DRAM2: variants seen among roughly 807,000 people sequenced by gnomAD.
DRAM2 encodes the protein DNA damage regulated autophagy modulator 2, also known as DNA damage-regulated autophagy modulator protein 2.
DRAM2 carries 26 observed loss-of-function variants against 33.5 expected under a neutral mutation model. The observed-to-expected ratio is 0.78, with a 90% CI of 0.57 to 1.08. The LOEUF (loss-of-function observed/expected upper bound fraction) is 1.08, where lower values mean the gene tolerates loss of function less well. DRAM2 is among the 50% of genes least tolerant of loss of function. DRAM2 has a pLI of 0.00. For missense variants in DRAM2, 311 were observed against 318.1 expected (o/e 0.98, Z 0.17); for synonymous variants, 98 against 109.5 (o/e 0.89, Z 0.66).
chr1:111,130,631 C>T (rs1036300169), intron 4 of DRAM2, among the ~76,000 whole-genome samples: 11 of 150,328 alleles, frequency 7.3e-5, no homozygotes, highest in Admixed American at 2.7e-4. Flanking sequence ...ACCTGGGAGG[C>T]GGAAGTTGCA....
chr1:111,125,610 CTTCT>C (rs575042348), intron 5 of DRAM2: 1 of 152,224 alleles, frequency 6.6e-6, no homozygotes, highest in Admixed American at 6.5e-5. Flanking sequence ...ATGAAATGAA[CTTCT>C]TTAAGTTGAA....
chr1:111,139,077 C>CT (rs768019299), intron 2 of DRAM2: 6 of 152,188 alleles, frequency 3.9e-5, no homozygotes, highest in Admixed American at 6.5e-5. Context: ...TTTCTAAACT[C>CT]TAACTTGGCC....
At chr1:111,135,255 A>G (rs1235938399) in intron 3 of DRAM2, among the ~76,000 whole-genome samples, 3 of 152,162 alleles carry the variant, frequency 2.0e-5, no homozygotes, top group African/African-American at 4.8e-5. Flanking sequence ...TACCTCAACT[A>G]CCATGGAATG....
intron 4 of DRAM2, among the ~76,000 whole-genome samples, chr1:111,131,129 G>A (rs528742964): frequency 3.3e-5 from 5 of 151,848 alleles, no homozygotes; most frequent in South Asian, 2.1e-4. Context: ...AATTTTAAGC[G>A]GCGAATAATT....
chr1:111,124,839 A>T lies in DRAM2; in HGVS notation c.242T>A (p.Leu81Gln). 1 of 1,613,442 alleles carries T rather than the reference A, an allele frequency of 6.2e-7. No homozygotes were observed. The change falls in exon 6 of 10, where the codon CTG (leucine) becomes CAG (glutamine). Residue 81 changes from leucine to glutamine, a missense_variant. Coordinates refer to ENST00000484310, the MANE Select transcript of DRAM2 (RefSeq NM_001349884.2). ...IYVRYKQVHALSPEENVIIKL... is the reference protein window; with the variant it reads ...IYVRYKQVHAQSPEENVIIKL... Reference sequence around the variant, plus strand: ...GATGATAACGTTCTCTTCAGGACTCAGAGCATGAACTTGCTTATAACGAAC... The same window carrying T: ...GATGATAACGTTCTCTTCAGGACTCTGAGCATGAACTTGCTTATAACGAAC...
At chr1:111,133,461 A>G (rs183011165) in intron 3 of DRAM2, among the ~76,000 whole-genome samples, 1 of 152,270 alleles carries the variant, frequency 6.6e-6, no homozygotes, top group Non-Finnish European at 1.5e-5. Flanking sequence ...TATAGGCGTG[A>G]GCTACCATGC....
At chr1:111,126,978 G>T (rs1651142728) in intron 4 of DRAM2, among the ~76,000 whole-genome samples, 1 of 151,970 alleles carries the variant, frequency 6.6e-6, no homozygotes, top group South Asian at 2.1e-4. Context: ...TGTCTTTCAG[G>T]GCAGTATGCA....
At chr1:111,127,745 G>C (rs1282649546) in intron 4 of DRAM2, among the ~76,000 whole-genome samples, 1 of 152,046 alleles carries the variant, frequency 6.6e-6, no homozygotes, top group Non-Finnish European at 1.5e-5. Flanking sequence ...TTGGCTAAGA[G>C]TGTTCCTTCC....
intron 3 of DRAM2, among the ~76,000 whole-genome samples, chr1:111,132,160 T>A (rs551959455): frequency 6.6e-6 from 1 of 152,224 alleles, no homozygotes; most frequent in Admixed American, 6.5e-5. Context: ...AGAGAGAGGA[T>A]GAAACTTAAG....
intron 4 of DRAM2, among the ~76,000 whole-genome samples, chr1:111,129,363 C>A (rs1651623952): frequency 6.6e-6 from 1 of 152,064 alleles, no homozygotes; most frequent in African/African-American, 2.4e-5. Context: ...CAGGGGTGGA[C>A]CTAACTATAT....
intron 6 of DRAM2, among the ~76,000 whole-genome samples, chr1:111,121,856 T>C (rs549257945): frequency 3.9e-5 from 6 of 152,108 alleles, no homozygotes; most frequent in Non-Finnish European, 7.4e-5. Context: ...TTCGAAACCA[T>C]TGTGCTTATA....
At chr1:111,127,783 T>C (rs1232302010) in intron 4 of DRAM2, among the ~76,000 whole-genome samples, 1 of 152,124 alleles carries the variant, frequency 6.6e-6, no homozygotes, top group East Asian at 1.9e-4. Flanking sequence ...TGACATACAC[T>C]GGCCTACAAA....
intron 2 of DRAM2, among the ~76,000 whole-genome samples, chr1:111,137,948 T>C (rs2101141214): frequency 6.6e-6 from 1 of 152,352 alleles, no homozygotes; most frequent in South Asian, 2.1e-4. Flanking sequence ...GTCCATGTGA[T>C]GTAAAGAACA....
At chr1:111,120,003 G>A (rs756737188) in intron 7 of DRAM2, 44 bp from the exon 8 acceptor site, 9 of 1,532,624 alleles carry the variant, frequency 5.9e-6, no homozygotes, top group Non-Finnish European at 8.1e-6. Flanking sequence ...GACGATCTCA[G>A]AGAACAAAAA....
chr1:111,124,680 C>G, intron 6 of DRAM2, 62 bp downstream of exon 6: 1 of 1,546,264 alleles, frequency 6.5e-7, no homozygotes, highest in Non-Finnish European at 8.8e-7. Context: ...CTTCAGGTTT[C>G]CCTTTTAATA....
rs1571009356 is a variant in DRAM2, at chr1:111,118,725, A to G, written c.693+80T>C. Reference sequence around the variant, plus strand: ...TTTCAAAAAGGCGGGAGAGTTGCCTATGGAAAGTTCTCTTAGTCTACCTTC... The same window carrying G: ...TTTCAAAAAGGCGGGAGAGTTGCCTGTGGAAAGTTCTCTTAGTCTACCTTC... On this transcript the variant is annotated intron_variant, in intron 9 of 9. Transcript: ENST00000484310. The G allele has an allele frequency of 2.8e-6, 3 of 1,057,722 alleles. No individual in the cohort carries two copies. The East Asian group carries it at 8.3e-5, about 29-fold the overall frequency. 65.5% of individuals were successfully genotyped at this position (1,057,722 alleles called of 1,614,324 possible).
In DRAM2 at chr1:111,120,550, C is replaced by A. The variant is rs372592409; in HGVS notation, c.483G>T (p.Leu161Phe). 48 of 1,611,218 alleles carry A rather than the reference C, an allele frequency of 3.0e-5. No individual in the cohort carries two copies. The African/African-American group carries it at 5.3e-4, about 18-fold the overall frequency. The change falls in exon 7 of 10, where the codon TTG (leucine) becomes TTT (phenylalanine). Residue 161 changes from leucine to phenylalanine, a missense_variant. Coordinates refer to ENST00000484310, the MANE Select transcript of DRAM2 (RefSeq NM_001349884.2). ...CACTTACTCCACACCAGATAACCAA[C>A]AACAGTCTGATCCAGAAGACTTGTT... is the stretch of plus-strand genomic sequence containing the variant. ...HGKQVFWIRL[L>F]LVIWCGVSAL... is the part of the protein sequence containing the mutation.
intron 3 of DRAM2, among the ~76,000 whole-genome samples, chr1:111,135,031 C>G (rs187267332): frequency 1.3e-5 from 2 of 152,268 alleles, no homozygotes; most frequent in African/African-American, 2.4e-5. Context: ...CCACCTGGAG[C>G]TGTGATGAAA....
chr1:111,140,021 C>G lies in DRAM2; in HGVS notation c.-245+17G>C, dbSNP rs1037222988. On this transcript the variant is annotated intron_variant, in intron 1 of 9. Transcript: ENST00000484310. ...GCAAGCGCTGGGGCCTGTCCCTTCT[C>G]CCCTACTTCGACTTACCTTACCAGA... is the stretch of plus-strand genomic sequence containing the variant. 2 of 152,436 alleles carry G rather than the reference C, an allele frequency of 1.3e-5. No homozygotes were observed. The highest frequency in any genetic ancestry group is 2.9e-5 in the Non-Finnish European group (2 of 68,248). The allele number at this position is 152,436 out of a possible 1,614,324, so 9.4% of individuals were successfully genotyped here.
Sources: allele counts gnomAD v4.1 joint callset (sites outside exome capture counted in the v4.1 genomes callset), GRCh38; gene constraint gnomAD v4.1.1; transcripts MANE v1.5; gene names NCBI Gene and HGNC (gene_info 2026-07-23, HGNC 2026-07-21).